IGFBPL1: variants seen among roughly 807,000 people sequenced by gnomAD.
IGFBPL1 encodes insulin like growth factor binding protein like 1.
In IGFBPL1, 20 loss-of-function variants were observed where a neutral mutation model predicts 23.9. The observed-to-expected ratio is 0.84, with a 90% CI of 0.59 to 1.22. The LOEUF (loss-of-function observed/expected upper bound fraction) is 1.22. Ranked by LOEUF, IGFBPL1 falls within the 50% of genes most tolerant of loss-of-function variation. The probability of loss-of-function intolerance (pLI) is 0.00; values close to 1 mark genes in which losing one functional copy is unlikely to be tolerated. For missense variants in IGFBPL1, 436 were observed against 379.3 expected (o/e 1.15, Z -1.24); for synonymous variants, 184 against 171.8 (o/e 1.07, Z -0.56).
intron 4 of IGFBPL1, among the ~76,000 whole-genome samples, chr9:38,410,169 C>T (rs1821490520): frequency 6.6e-6 from 1 of 152,192 alleles, no homozygotes; most frequent in Admixed American, 6.5e-5. Flanking sequence ...CTGTTCACCA[C>T]TGCTCCCCCA....
At position 38,416,676 on chromosome 9, in the gene IGFBPL1, A is replaced by AT. The variant is rs10555920; in HGVS notation, c.461-2474dup. Among the ~76,000 whole-genome samples the AT allele has an allele frequency of 1.0e-3, 141 of 140,474 alleles. 1 individual carries two copies. Among genetic ancestry groups the AT allele is most frequent in the South Asian group, 3.7e-3 (16 of 4,324 alleles). The allele number at this position is 140,474 out of a possible 152,430, so 92.2% of individuals were successfully genotyped here. A position where few individuals can be genotyped will look rare whatever the true frequency, so the allele number is the denominator to read the frequency against. On this transcript the variant is annotated intron_variant, in intron 1 of 4. Coordinates refer to ENST00000377694, the MANE Select transcript of IGFBPL1 (RefSeq NM_001007563.3). ...CTCATGCCATAATAATCCGGTTCTA[A>AT]TTTTTTTTTTTTTTTTTGAGGCAGA...
rs1262766574 is a variant in IGFBPL1 at position 38,424,022 on chromosome 9, T to A, written c.403A>T (p.Thr135Ser). ...VCALRLRARH[T>S]PRAHPGHLHK... Reference sequence around the variant, plus strand: ...AGGTGACCGGGGTGCGCGCGGGGCGTGTGCCGAGCGCGCAGGCGCAGCGCG... The same window carrying A: ...AGGTGACCGGGGTGCGCGCGGGGCGAGTGCCGAGCGCGCAGGCGCAGCGCG... The change falls in exon 1 of 5, where the codon ACG (threonine) becomes TCG (serine). Residue 135 changes from threonine (T) to serine (S), a missense_variant. By Grantham distance (58) the Thr-to-Ser change is moderately conservative (BLOSUM62 1). Transcript: ENST00000377694. The A allele has an allele frequency of 1.4e-6, 2 of 1,407,596 alleles. No individual in the cohort carries two copies. Among genetic ancestry groups the A allele is most frequent in the Non-Finnish European group, 1.8e-6 (2 of 1,090,914 alleles). 87.2% of individuals were successfully genotyped at this position (1,407,596 alleles called of 1,614,324 possible).
chr9:38,420,861 A>G (rs1196930642), intron 1 of IGFBPL1, among the ~76,000 whole-genome samples: 2 of 152,144 alleles, frequency 1.3e-5, no homozygotes, highest in Non-Finnish European at 2.9e-5. Flanking sequence ...CAAAACAGCC[A>G]GGCAAACCTA....
At chr9:38,423,887 AG>A in intron 1 of IGFBPL1, 77 bp downstream of exon 1, 6 of 1,254,450 alleles carry the variant, frequency 4.8e-6, no homozygotes, top group Non-Finnish European at 6.1e-6. Flanking sequence ...ACCACTGGGC[AG>A]GGGGATCCTT....
intron 1 of IGFBPL1, among the ~76,000 whole-genome samples, chr9:38,417,765 G>T (rs1821621135): frequency 6.6e-6 from 1 of 152,196 alleles, no homozygotes; most frequent in Admixed American, 6.5e-5. Context: ...GTGAAATGCT[G>T]TCTACCAGAG....
chr9:38,419,651 C>G (rs1006949573), intron 1 of IGFBPL1, among the ~76,000 whole-genome samples: 2 of 152,124 alleles, frequency 1.3e-5, no homozygotes, highest in Admixed American at 6.5e-5. Flanking sequence ...AGGACCCCAA[C>G]CCTCTCCCAA....
chr9:38,418,932 G>A (rs1375300765), intron 1 of IGFBPL1, among the ~76,000 whole-genome samples: 1 of 152,114 alleles, frequency 6.6e-6, no homozygotes, highest in Non-Finnish European at 1.5e-5. Context: ...GCTTGGGCAA[G>A]TTGCTAATCA....
At chr9:38,413,764 G>T (rs1242061421) in intron 2 of IGFBPL1, among the ~76,000 whole-genome samples, 1 of 152,138 alleles carries the variant, frequency 6.6e-6, no homozygotes, top group African/African-American at 2.4e-5. Flanking sequence ...AGTGAAGCAG[G>T]ATACACACAC....
Position 38,424,366 on chromosome 9 carries a change from G to GGCAGCAGCGGCAGCAGCAGCAGAA in IGFBPL1, c.35_58dup (p.Leu12_Leu19dup). 2 of 683,698 alleles carry GGCAGCAGCGGCAGCAGCAGCAGAA rather than the reference G, an allele frequency of 2.9e-6. No homozygotes were observed. Among genetic ancestry groups the GGCAGCAGCGGCAGCAGCAGCAGAA allele is most frequent in the Non-Finnish European group, 4.9e-6 (2 of 411,160 alleles). The allele number at this position is 683,698 out of a possible 1,614,324, so 42.4% of individuals were successfully genotyped here. A position where few individuals can be genotyped will look rare whatever the true frequency, so the allele number is the denominator to read the frequency against. The stretch of plus-strand genomic sequence containing the variant: ...GATCCCAAGGCTCGGGGACAGCGGC[G>GGCAGCAGCGGCAGCAGCAGCAGAA]GCAGCAGCGGCAGCAGCAGCAGAAG... On this transcript the variant is annotated inframe_insertion, in exon 1 of 5. Coordinates refer to ENST00000377694, the MANE Select transcript of IGFBPL1 (RefSeq NM_001007563.3).
At chr9:38,419,618 C>G (rs1224200627) in intron 1 of IGFBPL1, among the ~76,000 whole-genome samples, 1 of 152,094 alleles carries the variant, frequency 6.6e-6, no homozygotes, top group East Asian at 1.9e-4. Flanking sequence ...TCATTTGAAA[C>G]ATGACATTAA....
At chr9:38,417,800 A>G (rs1458321284) in intron 1 of IGFBPL1, among the ~76,000 whole-genome samples, 1 of 152,172 alleles carries the variant, frequency 6.6e-6, no homozygotes, top group Admixed American at 6.5e-5. Flanking sequence ...CTTGGCGCCC[A>G]GGGTTTTTAC....
intron 1 of IGFBPL1, among the ~76,000 whole-genome samples, chr9:38,423,113 C>A (rs892123786): frequency 2.6e-5 from 4 of 152,174 alleles, no homozygotes; most frequent in Admixed American, 2.0e-4. Flanking sequence ...GGAATACACT[C>A]ATGCTTAGGA....
intron 3 of IGFBPL1, 91 bp from the exon 4 acceptor site, chr9:38,411,640 C>T: frequency 9.1e-7 from 1 of 1,096,268 alleles, no homozygotes; most frequent in South Asian, 1.5e-5. Flanking sequence ...CTGCACACTT[C>T]CTCCTTTTCA....
intron 1 of IGFBPL1, among the ~76,000 whole-genome samples, chr9:38,418,048 A>G (rs1009540829): frequency 3.3e-5 from 5 of 152,210 alleles, no homozygotes; most frequent in African/African-American, 1.2e-4. Context: ...CTGCCGTGTT[A>G]GCTGTTTTCT....
At chr9:38,413,073 T>C (rs879280644) in intron 3 of IGFBPL1, among the ~76,000 whole-genome samples, 164 bp downstream of exon 3, 2 of 152,174 alleles carry the variant, frequency 1.3e-5, no homozygotes, top group Non-Finnish European at 2.9e-5. Context: ...GCAGAACACG[T>C]ATGTTCCCAG....
At chr9:38,415,782 C>CCTGGGGCTGCCCT (rs1821592442) in intron 1 of IGFBPL1, among the ~76,000 whole-genome samples, 1 of 152,182 alleles carries the variant, frequency 6.6e-6, no homozygotes, top group African/African-American at 2.4e-5. Flanking sequence ...ACCTGTTGAT[C>CCTGGGGCTGCCCT]CTGGGGCTGC....
intron 1 of IGFBPL1, among the ~76,000 whole-genome samples, chr9:38,423,607 A>G (rs576545898): frequency 4.6e-5 from 7 of 151,200 alleles, no homozygotes; most frequent in African/African-American, 1.2e-4. Context: ...CTTCCTCCCC[A>G]TTCAAACAAT....
At chr9:38,423,933 C>A in intron 1 of IGFBPL1, 32 bp downstream of exon 1, 1 of 1,340,444 alleles carries the variant, frequency 7.5e-7, no homozygotes, top group Non-Finnish European at 9.5e-7. Context: ...ATCCCTCCTT[C>A]TCTACCCACC....
chr9:38,409,279 G>C (rs573585583), intron 4 of IGFBPL1, 62 bp from the exon 5 acceptor site: 1 of 152,204 alleles, frequency 6.6e-6, no homozygotes, highest in Non-Finnish European at 1.5e-5. Context: ...AATCAACTAT[G>C]TGTTACATGG....
Sources: allele counts gnomAD v4.1 joint callset (sites outside exome capture counted in the v4.1 genomes callset), GRCh38; gene constraint gnomAD v4.1.1; transcripts MANE v1.5; gene names NCBI Gene and HGNC (gene_info 2026-07-23, HGNC 2026-07-21).